The following POC1A variants were observed in gnomAD, a reference collection of about 807,000 sequenced individuals.
POC1A encodes the protein POC1 centriolar protein A.
In POC1A, 34 loss-of-function variants were observed where a neutral mutation model predicts 47.8. The ratio of observed to expected loss-of-function variants is 0.71; its 90% confidence interval spans 0.54 to 0.95. POC1A has a LOEUF of 0.95. POC1A is among the 40% of genes least tolerant of loss of function. The pLI, the probability that POC1A is intolerant of heterozygous loss-of-function variation, is 0.00. For missense variants in POC1A, 466 were observed against 528.3 expected (o/e 0.88, Z 1.16); for synonymous variants, 177 against 207.6 (o/e 0.85, Z 1.27).
chr3:52,138,154 G>A lies in POC1A; in HGVS notation c.813+15C>T. 1 of 1,613,972 alleles carries A rather than the reference G, an allele frequency of 6.2e-7. No individual in the cohort carries two copies. The highest frequency in any genetic ancestry group is 8.5e-7 in the Non-Finnish European group (1 of 1,179,854). ...ACCACTCCACACCACTCAGCACCTG[G>A]CCGACACCTCTCACCTGATGCCCGT... On this transcript the variant is annotated intron_variant, in intron 7 of 10. Coordinates refer to ENST00000296484, the MANE Select transcript of POC1A (RefSeq NM_015426.5).
chr3:52,131,300 G>A (rs986669997), intron 7 of POC1A, among the ~76,000 whole-genome samples: 1 of 152,202 alleles, frequency 6.6e-6, no homozygotes, highest in Admixed American at 6.5e-5. Context: ...CTGAGGCTCT[G>A]AACAACCGTG....
intron 10 of POC1A, among the ~76,000 whole-genome samples, chr3:52,096,086 C>T (rs1027199132): frequency 3.3e-5 from 5 of 152,270 alleles, no homozygotes; most frequent in Non-Finnish European, 5.9e-5. Flanking sequence ...AGCCCACAAC[C>T]ACCAGCACAT....
intron 2 of POC1A, among the ~76,000 whole-genome samples, chr3:52,150,239 T>A (rs1218062880): frequency 2.0e-5 from 3 of 152,162 alleles, no homozygotes; most frequent in Non-Finnish European, 4.4e-5. Context: ...CATGCTAGCC[T>A]TGGACTGCAA....
chr3:52,093,921 C>T (rs1294645110), intron 10 of POC1A, among the ~76,000 whole-genome samples: 1 of 152,200 alleles, frequency 6.6e-6, no homozygotes, highest in Non-Finnish European at 1.5e-5. Context: ...ATAGGGTGTC[C>T]TACCCAGGGG....
intron 10 of POC1A, among the ~76,000 whole-genome samples, chr3:52,087,097 G>C (rs1322766783): frequency 6.6e-6 from 1 of 152,238 alleles, no homozygotes; most frequent in African/African-American, 2.4e-5. Flanking sequence ...GATAGAGGGA[G>C]AGTGGGGCGG....
intron 9 of POC1A, among the ~76,000 whole-genome samples, chr3:52,097,552 G>A (rs1169403267): frequency 6.6e-6 from 1 of 152,236 alleles, no homozygotes; most frequent in Non-Finnish European, 1.5e-5. Flanking sequence ...TCCAAGGGCA[G>A]GGCTGGTCTT....
At position 52,084,080 on chromosome 3, in the gene POC1A, C is replaced by T. The variant is rs983236099; in HGVS notation, c.1126-8095G>A. Among the ~76,000 whole-genome samples, 1 of 152,240 alleles carries T rather than the reference C, an allele frequency of 6.6e-6. No individual in the cohort carries two copies. Among genetic ancestry groups the T allele is most frequent in the Non-Finnish European group, 1.5e-5 (1 of 68,044 alleles). ...ACAGCCAGGGAGGATGCTGCTCCCA[C>T]GTGCCTGTGGCCAGTTTGTAGAACG... On this transcript the variant is annotated intron_variant, in intron 10 of 10. Coordinates refer to ENST00000296484, the MANE Select transcript of POC1A (RefSeq NM_015426.5). The surrounding 1 kb of genome is among the most constrained non-coding windows in gnomAD (Gnocchi z 4.3).
At chr3:52,133,070 T>C (rs779992298) in intron 7 of POC1A, among the ~76,000 whole-genome samples, 15 of 151,340 alleles carry the variant, frequency 9.9e-5, no homozygotes, top group Non-Finnish European at 1.5e-4. Flanking sequence ...AAGAAAGAAA[T>C]TGAATCCCCA....
In POC1A at chr3:52,149,924, C is replaced by T. The variant is rs547724307; in HGVS notation, c.167G>A (p.Arg56His). 9.3e-6 allele frequency: 15 copies of T among 1,613,868 alleles called. No individual in the cohort carries two copies. The highest frequency in any genetic ancestry group is 6.7e-5 in the African/African-American group (5 of 75,044). The change falls in exon 3 of 11, where the codon CGC becomes CAC. Residue 56 changes from arginine (R) to histidine (H), a missense_variant. Transcript: ENST00000296484. ...GACGGCATCCTTGTGGCCAGTGAAG[C>T]GGTAGGCGCGTGACTGCGGCTTCAT... ...WHMKPQSRAYRFTGHKDAVTC... is the reference protein window; with the variant it reads ...WHMKPQSRAYHFTGHKDAVTC...
intron 10 of POC1A, among the ~76,000 whole-genome samples, chr3:52,076,788 C>T (rs1234951779): frequency 6.6e-5 from 10 of 152,278 alleles, no homozygotes; most frequent in Admixed American, 6.5e-4. Flanking sequence ...CCCTTGCTCT[C>T]CTGGCCTCTC....
intron 6 of POC1A, among the ~76,000 whole-genome samples, chr3:52,143,437 C>A (rs935291926): frequency 6.6e-6 from 1 of 152,154 alleles, no homozygotes; most frequent in African/African-American, 2.4e-5. Flanking sequence ...CTTCACAAGA[C>A]CCCACTCTCC....
chr3:52,078,774 C>T (rs1447913983), intron 10 of POC1A, among the ~76,000 whole-genome samples: 4 of 152,240 alleles, frequency 2.6e-5, no homozygotes, highest in Non-Finnish European at 5.9e-5. Context: ...GTTGGGATTA[C>T]AGGCGTGAGC....
In POC1A at chr3:52,125,184, G is replaced by C; in HGVS notation, c.814-3C>G. 1 of 1,612,344 alleles carries C rather than the reference G, an allele frequency of 6.2e-7. No homozygotes were observed. The highest frequency in any genetic ancestry group is 8.5e-7 in the Non-Finnish European group (1 of 1,178,932). ...AAGGCAACAGTGGTGGCTGGTCCCT[G>C]GCAGAACAAACAAAAAATAACACAC... On this transcript the variant is annotated splice_polypyrimidine_tract_variant and splice_region_variant and intron_variant, in intron 7 of 10. Coordinates refer to ENST00000296484, the MANE Select transcript of POC1A (RefSeq NM_015426.5).
At chr3:52,154,262 G>A in intron 1 of POC1A, 93 bp downstream of exon 1, 2 of 1,355,038 alleles carry the variant, frequency 1.5e-6, no homozygotes, top group Non-Finnish European at 2.0e-6. Flanking sequence ...CTGGCGCCCC[G>A]CCCGCCCCTC....
At chr3:52,103,161 T>C (rs1308608900) in intron 9 of POC1A, among the ~76,000 whole-genome samples, 2 of 152,206 alleles carry the variant, frequency 1.3e-5, no homozygotes, top group Non-Finnish European at 2.9e-5. Flanking sequence ...TGCAAAAAAA[T>C]GAACTTCGGT....
intron 10 of POC1A, among the ~76,000 whole-genome samples, chr3:52,081,586 C>T (rs1383089626): frequency 2.0e-5 from 3 of 152,204 alleles, no homozygotes; most frequent in South Asian, 2.1e-4. Flanking sequence ...GGTTAAGAAA[C>T]GGGAGGGATG....
At position 52,100,422 on chromosome 3, in the gene POC1A, A is replaced by AACTG. The variant is rs530436750; in HGVS notation, c.982-3711_982-3710insCAGT. 4.3e-3 allele frequency among the ~76,000 whole-genome samples: 659 copies of AACTG among 152,326 alleles called. 5 individuals are homozygous for AACTG. Among genetic ancestry groups the AACTG allele is most frequent in the South Asian group, 0.016 (78 of 4,832 alleles). ...CTGGGGAAAGTGTTAATTCCTTCCTAACAAGAAAAAGACTGACAATCTAAA... is the reference window on the plus strand; with the variant it reads ...CTGGGGAAAGTGTTAATTCCTTCCTAACTGACAAGAAAAAGACTGACAATCTAAA... On this transcript the variant is annotated intron_variant, in intron 9 of 10. Coordinates refer to ENST00000296484, the MANE Select transcript of POC1A (RefSeq NM_015426.5).
At chr3:52,127,774 C>T (rs1577887180) in intron 7 of POC1A, among the ~76,000 whole-genome samples, 2 of 151,832 alleles carry the variant, frequency 1.3e-5, no homozygotes, top group East Asian at 3.9e-4. Context: ...TGGCTCACTG[C>T]AACCTCTGCC....
intron 4 of POC1A, 37 bp from the exon 5 acceptor site, chr3:52,147,132 A>G (rs1452126093): frequency 6.7e-7 from 1 of 1,499,128 alleles, no homozygotes; most frequent in South Asian, 1.1e-5. Context: ...TCACAGACTA[A>G]CAGACGACAT....
Sources: allele counts gnomAD v4.1 joint callset (sites outside exome capture counted in the v4.1 genomes callset), GRCh38; gene constraint gnomAD v4.1.1; non-coding constraint Gnocchi (gnomAD v3.1); transcripts MANE v1.5; gene names NCBI Gene and HGNC (gene_info 2026-07-23, HGNC 2026-07-21).